Variants in SLC5A10 observed in about 807,000 individuals in gnomAD.
SLC5A10 encodes solute carrier family 5 member 10, also known as sodium/mannose cotransporter SLC5A10.
In SLC5A10, 55 loss-of-function variants were observed where a neutral mutation model predicts 68.9. The ratio of observed to expected loss-of-function variants is 0.80; its 90% CI spans 0.64 to 1.00. The LOEUF is 1.00. Ranked by LOEUF, SLC5A10 falls within the 50% of genes least tolerant of loss-of-function variation. The probability of loss-of-function intolerance (pLI) is 0.00; values close to 1 mark genes in which losing one functional copy is unlikely to be tolerated. For synonymous variants in SLC5A10, 344 were observed against 344.8 expected (o/e 1.00, Z 0.02); for missense variants, 732 against 819.3 (o/e 0.89, Z 1.30).
At chr17:19,019,636 G>A (rs368370962) in intron 12 of SLC5A10, 45 bp downstream of exon 12, 89 of 1,604,038 alleles carry the variant, frequency 5.5e-5, no homozygotes, top group South Asian at 2.1e-4. Flanking sequence ...GCCACAATTT[G>A]CTCTTCCCTG....
intron 2 of SLC5A10, 148 bp downstream of exon 2, chr17:18,958,901 A>G (rs957982384): frequency 6.7e-5 from 62 of 930,998 alleles, no homozygotes; most frequent in Non-Finnish European, 9.3e-5. Flanking sequence ...TGAGGGGCAT[A>G]GGGCTGAGCT....
chr17:18,981,420 T>C lies in SLC5A10; in HGVS notation c.982+4431T>C, dbSNP rs2043129708. On this transcript the variant is annotated intron_variant, in intron 9 of 14. Coordinates refer to ENST00000395645, the MANE Select transcript of SLC5A10 (RefSeq NM_001042450.4). Reference sequence around the variant, plus strand: ...AGCCTGAGCTTGGCCCTGGGGCCAGTAGGGAGCCATGGGAGGATTTACAGC... The same window carrying C: ...AGCCTGAGCTTGGCCCTGGGGCCAGCAGGGAGCCATGGGAGGATTTACAGC... 2.6e-5 allele frequency among the ~76,000 whole-genome samples: 4 copies of C among 152,210 alleles called. No homozygotes were observed. The South Asian group carries it at 8.3e-4, about 32-fold the overall frequency.
Position 19,017,301 on chromosome 17 carries a change from C to A in SLC5A10, c.1241+2102C>A, listed in dbSNP as rs1336643495. The A allele has an allele frequency of 6.4e-7, 1 of 1,552,106 alleles. No individual in the cohort carries two copies. Among genetic ancestry groups the A allele is most frequent in the Non-Finnish European group, 8.7e-7 (1 of 1,147,066 alleles). On this transcript the variant is annotated intron_variant, in intron 11 of 14. Coordinates refer to ENST00000395645, the MANE Select transcript of SLC5A10 (RefSeq NM_001042450.4). This position sits in a 1 kb window ranked among gnomAD's most constrained non-coding sequence, Gnocchi z 5.6. ...TCTTACAGCACTGGGATACCCTCAACACCCCCAGCCCCTCAAAGCCGTCTC... is the reference window on the plus strand; with the variant it reads ...TCTTACAGCACTGGGATACCCTCAAAACCCCCAGCCCCTCAAAGCCGTCTC...
intron 9 of SLC5A10, among the ~76,000 whole-genome samples, chr17:18,991,343 T>G (rs62076203): frequency 0.085 from 12,884 of 152,286 alleles, 689 homozygotes; most frequent in South Asian, 0.23. Context: ...GCCCTTGGCT[T>G]CCCCATCTGT....
rs1345543288 is a variant in SLC5A10 at position 19,019,514 on chromosome 17, T to A, written c.1333T>A (p.Ser445Thr). 1 of 1,612,504 alleles carries A rather than the reference T, an allele frequency of 6.2e-7. No individual in the cohort carries two copies. Among genetic ancestry groups the A allele is most frequent in the Non-Finnish European group, 8.5e-7 (1 of 1,179,936 alleles). ...NSGQLFIYMQ[S>T]VTSSLAPPVT... is the part of the protein sequence containing the mutation. The stretch of plus-strand genomic sequence containing the variant: ...CGGGCAACTCTTCATCTACATGCAG[T>A]CAGTGACCAGCTCCCTGGCCCCACC... The change falls in exon 12 of 15, where the codon TCA (serine) becomes ACA (threonine). Residue 445 changes from serine (S) to threonine (T), a missense_variant. Transcript: ENST00000395645.
chr17:18,986,653 C>T (rs115886671), intron 9 of SLC5A10, among the ~76,000 whole-genome samples: 3,925 of 152,340 alleles, frequency 0.026, 171 homozygotes, highest in African/African-American at 0.088. Context: ...TGAGAAGGGG[C>T]CTGGGTGGAA....
At chr17:18,969,296 T>C in intron 6 of SLC5A10, 46 bp from the exon 7 acceptor site, 1 of 1,600,784 alleles carries the variant, frequency 6.2e-7, no homozygotes, top group Non-Finnish European at 8.5e-7. Context: ...GTGTCCCTCC[T>C]CCCTGGGGCC....
intron 9 of SLC5A10, chr17:18,978,316 A>T (rs752749404): frequency 1.2e-6 from 2 of 1,609,096 alleles, no homozygotes; most frequent in East Asian, 4.5e-5. Flanking sequence ...GGGAGGTGTC[A>T]CGGATCTTGA....
At chr17:18,964,461 G>C (rs1323686437) in intron 5 of SLC5A10, among the ~76,000 whole-genome samples, 8 of 152,302 alleles carry the variant, frequency 5.3e-5, no homozygotes, top group African/African-American at 1.9e-4. Flanking sequence ...TACTTACTGT[G>C]CACCTACTGT....
intron 9 of SLC5A10, among the ~76,000 whole-genome samples, chr17:18,991,382 C>T (rs557129947): frequency 6.6e-6 from 1 of 152,364 alleles, no homozygotes; most frequent in African/African-American, 2.4e-5. Context: ...TGGCTTGCCC[C>T]TGTGGTTCTA....
chr17:19,008,118 G>C (rs902066124), intron 9 of SLC5A10, among the ~76,000 whole-genome samples: 7 of 152,216 alleles, frequency 4.6e-5, no homozygotes, highest in Non-Finnish European at 8.8e-5. Context: ...AGTTATCTCA[G>C]CAGCTATAGA....
chr17:19,010,882 G>A (rs2043999244), intron 9 of SLC5A10, among the ~76,000 whole-genome samples: 1 of 152,132 alleles, frequency 6.6e-6, no homozygotes, highest in Non-Finnish European at 1.5e-5. Flanking sequence ...AAAAACTAAT[G>A]GGGGTAGAGG....
chr17:18,979,092 G>A, intron 9 of SLC5A10: 1 of 578,000 alleles, frequency 1.7e-6, no homozygotes, highest in Non-Finnish European at 3.1e-6. Context: ...CTCTCAGGCT[G>A]GTACAGGATT....
At chr17:18,956,473 T>G (rs2042505702) in intron 1 of SLC5A10, among the ~76,000 whole-genome samples, 2 of 144,414 alleles carry the variant, frequency 1.4e-5, no homozygotes, top group South Asian at 4.4e-4. Context: ...CTGTTTTTTT[T>G]TTTTTTTTTT....
At chr17:18,953,648 G>C (rs1053149544) in intron 1 of SLC5A10, 1 of 152,624 alleles carries the variant, frequency 6.6e-6, no homozygotes, top group Admixed American at 6.6e-5. Context: ...GGTGGTGGTG[G>C]TGGCAGTTGT....
At chr17:18,967,902 T>C (rs1228371605) in intron 5 of SLC5A10, among the ~76,000 whole-genome samples, 1 of 123,838 alleles carries the variant, frequency 8.1e-6, no homozygotes, top group African/African-American at 3.0e-5. Flanking sequence ...TCCCCTGAAC[T>C]ACCTGCCCTT....
chr17:18,991,283 C>A (rs570804196), intron 9 of SLC5A10, among the ~76,000 whole-genome samples: 226 of 152,278 alleles, frequency 1.5e-3, no homozygotes, highest in African/African-American at 5.2e-3. Flanking sequence ...CTGGCTTGGT[C>A]TGGGAATGAC....
intron 9 of SLC5A10, among the ~76,000 whole-genome samples, chr17:19,010,583 C>T (rs911046083): frequency 1.3e-5 from 2 of 152,192 alleles, no homozygotes; most frequent in African/African-American, 2.4e-5. Flanking sequence ...GGACTCGGGG[C>T]GGTTTCCCAT....
chr17:18,969,220 C>T (rs910789103), intron 6 of SLC5A10, 63 bp downstream of exon 6: 42 of 1,585,280 alleles, frequency 2.6e-5, no homozygotes, highest in Middle Eastern at 1.7e-4. Context: ...AAGGCCACCT[C>T]CCCCTACAGG....
Sources: gnomAD v4.1 joint callset for allele counts (sites outside exome capture counted in the v4.1 genomes callset) on GRCh38, gnomAD v4.1.1 for gene constraint, Gnocchi (gnomAD v3.1) non-coding constraint, MANE v1.5 for transcripts, NCBI Gene and HGNC (gene_info 2026-07-23, HGNC 2026-07-21) for gene names.